RABGAP1L: variants seen among roughly 807,000 people sequenced by gnomAD.
The protein encoded by RABGAP1L is RAB GTPase activating protein 1 like.
RABGAP1L carries 63 observed loss-of-function variants against 137.7 expected under a neutral mutation model. The ratio of observed to expected loss-of-function variants is 0.46; its 90% CI spans 0.37 to 0.56. The LOEUF (loss-of-function observed/expected upper bound fraction) is 0.56, where lower values mean the gene tolerates loss of function less well. Among genes scored for constraint, RABGAP1L ranks in the 20% least tolerant of loss-of-function variants. The pLI is 0.00. For missense variants in RABGAP1L, 1,095 were observed against 1,244.0 expected (o/e 0.88, Z 1.80); for synonymous variants, 431 against 433.7 (o/e 0.99, Z 0.08).
intron 1 of RABGAP1L, among the ~76,000 whole-genome samples, chr1:174,214,152 T>TA (rs1669111003): frequency 6.6e-6 from 1 of 152,022 alleles, no homozygotes; most frequent in Non-Finnish European, 1.5e-5. Context: ...AGTTGCAGGA[T>TA]AAAAAATCAA....
intron 3 of RABGAP1L, among the ~76,000 whole-genome samples, chr1:174,229,451 G>T (rs1355969582): frequency 6.6e-6 from 1 of 152,104 alleles, no homozygotes; most frequent in East Asian, 1.9e-4. Context: ...TTAGTCAAGG[G>T]TTTAGTATGT....
At chr1:174,827,457 G>T (rs997676405) in intron 19 of RABGAP1L, among the ~76,000 whole-genome samples, 3 of 120,790 alleles carry the variant, frequency 2.5e-5, no homozygotes, top group Non-Finnish European at 5.6e-5. Flanking sequence ...CATATTAATT[G>T]GGGGGGCACA....
intron 13 of RABGAP1L, among the ~76,000 whole-genome samples, chr1:174,551,021 T>TCTATATAC (rs1666498499): frequency 8.1e-6 from 1 of 122,816 alleles, no homozygotes; most frequent in Non-Finnish European, 1.6e-5. Context: ...TATATATATA[T>TCTATATAC]ACATACACAC....
At chr1:174,520,673 T>C (rs1013936786) in intron 13 of RABGAP1L, among the ~76,000 whole-genome samples, 1 of 152,196 alleles carries the variant, frequency 6.6e-6, no homozygotes, top group Non-Finnish European at 1.5e-5. Context: ...GTGAATAATC[T>C]AGCTTTCTTA....
chr1:174,683,430 G>C (rs555310146), intron 14 of RABGAP1L, 92 bp from the exon 15 acceptor site: 2 of 993,240 alleles, frequency 2.0e-6, no homozygotes, highest in Non-Finnish European at 3.1e-6. Context: ...ACAGCCCAGG[G>C]ACAGGAACAA....
At chr1:174,890,561 A>G (rs1385216392) in intron 19 of RABGAP1L, among the ~76,000 whole-genome samples, 1 of 152,240 alleles carries the variant, frequency 6.6e-6, no homozygotes, top group African/African-American at 2.4e-5. Flanking sequence ...TAAATAATAC[A>G]TGCACACAGT....
chr1:174,220,742 C>T (rs1391692072), intron 2 of RABGAP1L: 3 of 324,492 alleles, frequency 9.2e-6, no homozygotes, highest in Non-Finnish European at 1.6e-5. Flanking sequence ...TGGAAACTGT[C>T]TTAAGTGTTT....
At chr1:174,332,057 G>C (rs906803406) in intron 11 of RABGAP1L, among the ~76,000 whole-genome samples, 1 of 152,098 alleles carries the variant, frequency 6.6e-6, no homozygotes, top group African/African-American at 2.4e-5. Flanking sequence ...AAATCTGTTT[G>C]AGAGGAAATT....
intron 5 of RABGAP1L, 38 bp downstream of exon 5, chr1:174,241,695 G>T: frequency 1.4e-6 from 2 of 1,457,558 alleles, no homozygotes; most frequent in Non-Finnish European, 1.9e-6. Flanking sequence ...CTATAGAGAT[G>T]AATTAGGGTA....
At chr1:174,355,924 T>C (rs943887813) in intron 11 of RABGAP1L, among the ~76,000 whole-genome samples, 3 of 152,190 alleles carry the variant, frequency 2.0e-5, no homozygotes, top group African/African-American at 4.8e-5. Context: ...TGTTATAATA[T>C]TTAAGAAATT....
chr1:174,488,669 G>A (rs537868472), intron 13 of RABGAP1L, among the ~76,000 whole-genome samples: 1 of 151,360 alleles, frequency 6.6e-6, no homozygotes, highest in African/African-American at 2.4e-5. Flanking sequence ...TCTTAGCTTT[G>A]CTTTTTTGAG....
intron 20 of RABGAP1L, among the ~76,000 whole-genome samples, chr1:174,958,400 T>C (rs1668799414): frequency 6.6e-6 from 1 of 152,174 alleles, no homozygotes; most frequent in African/African-American, 2.4e-5. Context: ...AGTAAAATAT[T>C]ATCTCTCTTC....
At chr1:174,596,342 CG>C (rs1232080862) in intron 13 of RABGAP1L, among the ~76,000 whole-genome samples, 1 of 151,946 alleles carries the variant, frequency 6.6e-6, no homozygotes, top group Non-Finnish European at 1.5e-5. Flanking sequence ...AGCTGTAGAC[CG>C]GAGCTGTTCC....
At chr1:174,915,338 T>C (rs1660679638) in intron 19 of RABGAP1L, among the ~76,000 whole-genome samples, 1 of 152,216 alleles carries the variant, frequency 6.6e-6, no homozygotes, top group Admixed American at 6.5e-5. Context: ...ACACTTGATG[T>C]CAATCATTTT....
intron 22 of RABGAP1L, among the ~76,000 whole-genome samples, chr1:174,977,990 A>C (rs1670797640): frequency 6.6e-6 from 1 of 152,192 alleles, no homozygotes; most frequent in South Asian, 2.1e-4. Flanking sequence ...TTAGTGCAGA[A>C]CGCATCTCTT....
At chr1:174,180,147 T>C (rs1016893128) in intron 1 of RABGAP1L, among the ~76,000 whole-genome samples, 1 of 152,206 alleles carries the variant, frequency 6.6e-6, no homozygotes, top group African/African-American at 2.4e-5. Context: ...TAAGAATAGC[T>C]TCCAATTCAG....
chr1:174,247,764 G>A (rs188396187), intron 5 of RABGAP1L, among the ~76,000 whole-genome samples: 21 of 152,252 alleles, frequency 1.4e-4, no homozygotes, highest in African/African-American at 4.3e-4. Context: ...CCCATCCCAT[G>A]AGCCCTATGC....
intron 17 of RABGAP1L, among the ~76,000 whole-genome samples, chr1:174,725,994 A>G (rs540227548): frequency 8.5e-5 from 13 of 152,098 alleles, no homozygotes; most frequent in African/African-American, 2.9e-4. Flanking sequence ...AAAATTAAAA[A>G]TAAATATATT....
intron 20 of RABGAP1L, chr1:174,958,084 A>C: frequency 6.6e-7 from 1 of 1,519,118 alleles, no homozygotes. Context: ...CTGTTCCAAG[A>C]CTGACACAAG....
Sources: gnomAD v4.1 joint callset for allele counts (sites outside exome capture counted in the v4.1 genomes callset) on GRCh38, gnomAD v4.1.1 for gene constraint, MANE v1.5 for transcripts, NCBI Gene and HGNC (gene_info 2026-07-23, HGNC 2026-07-21) for gene names.